ZNF385B: variants seen among roughly 807,000 people sequenced by gnomAD.
ZNF385B encodes the protein zinc finger protein 533.
A neutral mutation model predicts 39.2 loss-of-function variants in ZNF385B; 23 were observed. The observed-to-expected ratio is 0.59, with a 90% CI of 0.42 to 0.83. The LOEUF (loss-of-function observed/expected upper bound fraction) is 0.83. Among genes scored for constraint, ZNF385B ranks in the 40% least tolerant of loss-of-function variants. The pLI is 0.00. For missense variants in ZNF385B, 552 were observed against 598.9 expected (o/e 0.92, Z 0.82); for synonymous variants, 205 against 222.6 (o/e 0.92, Z 0.70).
At chr2:179,683,677 T>C (rs1172320062) in intron 3 of ZNF385B, among the ~76,000 whole-genome samples, 3 of 152,054 alleles carry the variant, frequency 2.0e-5, no homozygotes, top group Admixed American at 6.5e-5. Context: ...GGTTTTACCA[T>C]GTTGGCTAGG....
chr2:179,720,994 C>T (rs1368295928), intron 3 of ZNF385B, among the ~76,000 whole-genome samples: 1 of 138,738 alleles, frequency 7.2e-6, no homozygotes, highest in East Asian at 2.4e-4. Context: ...ATCTCAAACA[C>T]CTAGCCTTAA....
At chr2:179,818,265 G>A (rs1057292224) in intron 1 of ZNF385B, among the ~76,000 whole-genome samples, 29 of 152,096 alleles carry the variant, frequency 1.9e-4, no homozygotes, top group Admixed American at 1.7e-3. Context: ...ATAATGACAG[G>A]TCCCTCCAAG....
intron 3 of ZNF385B, among the ~76,000 whole-genome samples, chr2:179,573,173 C>G (rs1042195631): frequency 6.6e-6 from 1 of 152,084 alleles, no homozygotes; most frequent in Non-Finnish European, 1.5e-5. Flanking sequence ...GAATTCATAT[C>G]TTCTGTAACA....
At chr2:179,521,025 A>C (rs2058449917) in intron 4 of ZNF385B, among the ~76,000 whole-genome samples, 1 of 152,190 alleles carries the variant, frequency 6.6e-6, no homozygotes, top group South Asian at 2.1e-4. Context: ...CAAAAGATAC[A>C]TTTACGAATA....
At chr2:179,847,268 T>C (rs969018066) in intron 1 of ZNF385B, among the ~76,000 whole-genome samples, 3 of 152,202 alleles carry the variant, frequency 2.0e-5, no homozygotes, top group African/African-American at 4.8e-5. Flanking sequence ...CCCTGCAGGA[T>C]AGCACAATTA....
intron 3 of ZNF385B, among the ~76,000 whole-genome samples, chr2:179,681,117 A>T (rs980663316): frequency 6.7e-6 from 1 of 150,056 alleles, no homozygotes; most frequent in African/African-American, 2.5e-5. Flanking sequence ...TTCTAACTAG[A>T]CTCATTGTGA....
At chr2:179,802,674 G>A in intron 1 of ZNF385B, 1 of 151,990 alleles carries the variant, frequency 6.6e-6, no homozygotes, top group East Asian at 1.9e-4. Flanking sequence ...GTCACCCTCT[G>A]ATACTTTAGA....
intron 1 of ZNF385B, among the ~76,000 whole-genome samples, chr2:179,822,568 T>C (rs1559226337): frequency 6.6e-6 from 1 of 152,128 alleles, no homozygotes; most frequent in African/African-American, 2.4e-5. Flanking sequence ...TGGAGGACAT[T>C]TGCACTGTGA....
intron 3 of ZNF385B, among the ~76,000 whole-genome samples, chr2:179,581,429 A>G (rs1452856836): frequency 6.6e-6 from 1 of 152,242 alleles, no homozygotes; most frequent in Non-Finnish European, 1.5e-5. Context: ...ATTTACAAGA[A>G]GATGAGCAAA....
intron 4 of ZNF385B, among the ~76,000 whole-genome samples, chr2:179,521,353 G>GTTTTTTTTTTTTTTTTTT (rs56392185): frequency 1.5e-4 from 16 of 108,166 alleles, no homozygotes; most frequent in South Asian, 7.2e-4. Flanking sequence ...CACCTGGCCA[G>GTTTTTTTTTTTTTTTTTT]TTTTTTTTTT....
intron 3 of ZNF385B, among the ~76,000 whole-genome samples, chr2:179,749,027 G>C (rs1312725814): frequency 6.6e-6 from 1 of 152,008 alleles, no homozygotes; most frequent in African/African-American, 2.4e-5. Context: ...GAAGGAAACT[G>C]CATTTATTTT....
chr2:179,714,948 A>AAAAAAAAAAAAAAAAAAAAC (rs1700231602), intron 3 of ZNF385B, among the ~76,000 whole-genome samples: 1 of 150,716 alleles, frequency 6.6e-6, no homozygotes, highest in African/African-American at 2.4e-5. Context: ...ATCTCAAAAA[A>AAAAAAAAAAAAAAAAAAAAC]AAAAAAAAAA....
chr2:179,852,746 C>T (rs909006780), intron 1 of ZNF385B, among the ~76,000 whole-genome samples: 4 of 152,162 alleles, frequency 2.6e-5, no homozygotes, highest in East Asian at 1.9e-4. Flanking sequence ...GTCGATCACC[C>T]GGGATACTTA....
intron 3 of ZNF385B, among the ~76,000 whole-genome samples, chr2:179,594,134 T>C (rs78378249): frequency 0.19 from 28,198 of 152,118 alleles, 2,725 homozygotes; most frequent in Non-Finnish European, 0.21. Flanking sequence ...CCCCCAATTA[T>C]TTGTTTTCAG....
At chr2:179,627,403 A>G (rs1438298380) in intron 3 of ZNF385B, among the ~76,000 whole-genome samples, 1 of 152,176 alleles carries the variant, frequency 6.6e-6, no homozygotes, top group Non-Finnish European at 1.5e-5. Flanking sequence ...ATCTGATTTA[A>G]TCCTTGTCTT....
chr2:179,471,123 G>A (rs1353465798), intron 6 of ZNF385B, among the ~76,000 whole-genome samples: 1 of 152,156 alleles, frequency 6.6e-6, no homozygotes, highest in African/African-American at 2.4e-5. Context: ...GGTCTCTTAG[G>A]AACGTTGTTA....
intron 1 of ZNF385B, among the ~76,000 whole-genome samples, chr2:179,815,232 T>C (rs999651030): frequency 2.0e-5 from 3 of 152,094 alleles, no homozygotes; most frequent in Non-Finnish European, 4.4e-5. Context: ...AGAGAATAGG[T>C]AGAGAGACTT....
rs755804497 is a variant in ZNF385B, at chr2:179,483,403, T to C, written c.584A>G (p.Lys195Arg). 3.1e-6 allele frequency: 5 copies of C among 1,614,012 alleles called. 1 individual carries two copies. In the South Asian group the frequency reaches 5.5e-5, roughly 18 times the overall value. ...TAGTGCTTTGACCTTCTTGGCATGT[T>C]TACTTCCTTTGTAGTGGGCCTCGGC... ...SQAEAHYKGS[K>R]HAKKVKALDA... Residue 195 changes from lysine (K) to arginine (R), a missense_variant, in exon 6 of 10, where the codon AAA becomes AGA. Coordinates refer to ENST00000410066, the MANE Select transcript of ZNF385B (RefSeq NM_152520.6).
intron 1 of ZNF385B, among the ~76,000 whole-genome samples, chr2:179,818,290 T>A (rs760332909): frequency 5.9e-5 from 9 of 152,188 alleles, no homozygotes; most frequent in Non-Finnish European, 1.2e-4. Context: ...TTAATTAACC[T>A]CAGTAGAAAT....
Sources: allele counts gnomAD v4.1 joint callset (sites outside exome capture counted in the v4.1 genomes callset), GRCh38; gene constraint gnomAD v4.1.1; transcripts MANE v1.5; gene names NCBI Gene and HGNC (gene_info 2026-07-23, HGNC 2026-07-21).